Variants in NME7 observed in about 807,000 individuals in gnomAD.
The protein encoded by NME7 is NME/NM23 family member 7.
Under a neutral mutation model 49.1 loss-of-function variants are expected in NME7, and 41 were observed. That is an observed-to-expected ratio of 0.83 (90% CI 0.65 to 1.08). The LOEUF is 1.08. Among genes scored for constraint, NME7 ranks in the 50% least tolerant of loss-of-function variants. NME7 has a pLI of 0.00. For missense variants in NME7, 423 were observed against 463.4 expected (o/e 0.91, Z 0.80); for synonymous variants, 139 against 150.6 (o/e 0.92, Z 0.56).
intron 7 of NME7, among the ~76,000 whole-genome samples, chr1:169,274,045 AC>A (rs1405095836): frequency 7.6e-6 from 1 of 130,998 alleles, no homozygotes; most frequent in Non-Finnish European, 1.8e-5. Context: ...CGCCACACTG[AC>A]TTCCACAATG....
At chr1:169,311,282 G>A (rs1269376181) in intron 3 of NME7, among the ~76,000 whole-genome samples, 2 of 151,900 alleles carry the variant, frequency 1.3e-5, no homozygotes, top group Non-Finnish European at 2.9e-5. Flanking sequence ...GCCAGGCAAG[G>A]TGGCGGGCTA....
At chr1:169,343,198 G>GAT (rs926144401) in intron 1 of NME7, among the ~76,000 whole-genome samples, 2 of 151,142 alleles carry the variant, frequency 1.3e-5, no homozygotes, top group African/African-American at 2.4e-5. Context: ...AGGATACAGA[G>GAT]ATATATATAT....
At chr1:169,237,747 G>T in intron 7 of NME7, 60 bp from the exon 8 acceptor site, 1 of 1,358,064 alleles carries the variant, frequency 7.4e-7, no homozygotes, top group Non-Finnish European at 1.0e-6. Context: ...TAGTTTCTTA[G>T]AAATGCAAAT....
At chr1:169,221,948 G>A (rs1661155870) in intron 10 of NME7, among the ~76,000 whole-genome samples, 1 of 152,120 alleles carries the variant, frequency 6.6e-6, no homozygotes, top group African/African-American at 2.4e-5. Flanking sequence ...TTTTTAAATA[G>A]AGACAGGGTC....
chr1:169,191,729 C>T (rs3766068), intron 10 of NME7, among the ~76,000 whole-genome samples: 10 of 152,036 alleles, frequency 6.6e-5, no homozygotes, highest in East Asian at 3.9e-4. Flanking sequence ...AATCATTCAG[C>T]GTATTTTTTC....
At chr1:169,135,777 CTCTATTTT>C (rs1658409990) in intron 11 of NME7, among the ~76,000 whole-genome samples, 1 of 152,016 alleles carries the variant, frequency 6.6e-6, no homozygotes, top group African/African-American at 2.4e-5. Flanking sequence ...TGCTTTAATT[CTCTATTTT>C]TCTCTGAGGG....
intron 7 of NME7, chr1:169,286,590 T>A (rs983769458): frequency 6.6e-6 from 1 of 152,100 alleles, no homozygotes; most frequent in Non-Finnish European, 1.5e-5. Flanking sequence ...CATACATATG[T>A]CAAAGAACTG....
At position 169,359,480 on chromosome 1, in the gene NME7, A is replaced by G. The variant is rs543505230; in HGVS notation, c.3+8228T>C. 1.7e-4 allele frequency among the ~76,000 whole-genome samples: 25 copies of G among 149,044 alleles called. No homozygotes were observed. In the South Asian group the frequency reaches 2.4e-3, roughly 14 times the overall value. On this transcript the variant is annotated intron_variant, in intron 1 of 11. Coordinates refer to ENST00000367811, the MANE Select transcript of NME7 (RefSeq NM_013330.5). ...GATATGTATCTCTGTGTGTGTGTGT[A>G]TATATGTATGAGTATATATGTGACC... is the stretch of plus-strand genomic sequence containing the variant.
At chr1:169,232,211 C>T (rs1042652502) in intron 9 of NME7, among the ~76,000 whole-genome samples, 5 of 151,718 alleles carry the variant, frequency 3.3e-5, no homozygotes, top group East Asian at 3.9e-4. Context: ...GAACAGGATA[C>T]GACACTGCAG....
At chr1:169,143,273 C>CTTTTTTTTTTTTTTTTTTTT (rs71299493) in intron 11 of NME7, among the ~76,000 whole-genome samples, 2 of 98,176 alleles carry the variant, frequency 2.0e-5, no homozygotes, top group Non-Finnish European at 4.2e-5. Flanking sequence ...TCACCTCAGG[C>CTTTTTTTTTTTTTTTTTTTT]TTTTTTTTTT....
chr1:169,142,353 GAATAA>G (rs1658619233), intron 11 of NME7, among the ~76,000 whole-genome samples: 1 of 152,172 alleles, frequency 6.6e-6, no homozygotes, highest in South Asian at 2.1e-4. Context: ...AGCTAAGCCA[GAATAA>G]GATAAGATGT....
At chr1:169,195,992 G>A (rs1459765201) in intron 10 of NME7, among the ~76,000 whole-genome samples, 10 of 152,114 alleles carry the variant, frequency 6.6e-5, no homozygotes, top group Non-Finnish European at 1.5e-5. Context: ...AATGTGGGTG[G>A]GAAAAGGTAG....
chr1:169,288,401 G>GA (rs1650361458), intron 6 of NME7, among the ~76,000 whole-genome samples: 1 of 152,018 alleles, frequency 6.6e-6, no homozygotes, highest in Non-Finnish European at 1.5e-5. Context: ...CAGCCCTGTG[G>GA]AACCTGCTTA....
At position 169,348,354 on chromosome 1, in the gene NME7, C is replaced by CA. The variant is rs1358509744; in HGVS notation, c.3+19353dup. On this transcript the variant is annotated intron_variant, in intron 1 of 11. Coordinates refer to ENST00000367811, the MANE Select transcript of NME7 (RefSeq NM_013330.5). ...GATATTTTGGTAAAGTAACAGATTC[C>CA]AAAAAAAAGCAAAAAAAAAAAAAAA... Among the ~76,000 whole-genome samples the CA allele has an allele frequency of 7.0e-4, 53 of 75,494 alleles. No individual in the cohort carries two copies. In the South Asian group the frequency reaches 9.3e-3, roughly 13 times the overall value. 49.5% of individuals were successfully genotyped at this position (75,494 alleles called of 152,430 possible).
At chr1:169,179,915 G>A (rs1034720879) in intron 10 of NME7, among the ~76,000 whole-genome samples, 13 of 151,066 alleles carry the variant, frequency 8.6e-5, no homozygotes, top group Admixed American at 2.6e-4. Context: ...AAACCACCAC[G>A]GAACACATTT....
intron 11 of NME7, among the ~76,000 whole-genome samples, chr1:169,158,404 T>C (rs1433654292): frequency 6.6e-6 from 1 of 152,202 alleles, no homozygotes; most frequent in African/African-American, 2.4e-5. Context: ...CCCTGCTCTT[T>C]AAGGTACCAT....
chr1:169,203,428 G>A (rs796327549), intron 10 of NME7, among the ~76,000 whole-genome samples: 9 of 152,218 alleles, frequency 5.9e-5, no homozygotes, highest in African/African-American at 2.2e-4. Context: ...TCTTGATTGT[G>A]AGACAAAGAA....
chr1:169,298,367 A>C (rs1308262057), intron 6 of NME7, among the ~76,000 whole-genome samples, 189 bp downstream of exon 6: 1 of 152,182 alleles, frequency 6.6e-6, no homozygotes. Context: ...GATCATGATC[A>C]GGTTACCAGT....
chr1:169,325,859 A>G (rs535389083), intron 1 of NME7, among the ~76,000 whole-genome samples: 1 of 152,320 alleles, frequency 6.6e-6, no homozygotes. Flanking sequence ...AAGAGAAAAT[A>G]AATGTAAAAT....
Sources: gnomAD v4.1 joint callset for allele counts (sites outside exome capture counted in the v4.1 genomes callset) on GRCh38, gnomAD v4.1.1 for gene constraint, MANE v1.5 for transcripts, NCBI Gene and HGNC (gene_info 2026-07-23, HGNC 2026-07-21) for gene names.